Variants in EPB41L5 observed in about 807,000 individuals in gnomAD.
EPB41L5 encodes the protein band 4.1-like protein 5.
Under a neutral mutation model 106.6 loss-of-function variants are expected in EPB41L5, and 55 were observed. The observed-to-expected ratio is 0.52, with a 90% CI of 0.42 to 0.65. EPB41L5 has a LOEUF of 0.65. EPB41L5 is among the 30% of genes least tolerant of loss of function. EPB41L5 has a pLI of 0.00. For missense variants in EPB41L5, 871 were observed against 882.1 expected (o/e 0.99, Z 0.16); for synonymous variants, 297 against 306.7 (o/e 0.97, Z 0.33).
intron 24 of EPB41L5, among the ~76,000 whole-genome samples, chr2:120,171,746 G>A (rs1016236705): frequency 1.2e-4 from 19 of 152,180 alleles, no homozygotes; most frequent in African/African-American, 4.3e-4. Context: ...CCCATTCGTT[G>A]ATGAGTTTTG....
intron 20 of EPB41L5, among the ~76,000 whole-genome samples, chr2:120,154,284 G>A (rs550290055): frequency 8.8e-4 from 133 of 151,574 alleles, no homozygotes; most frequent in African/African-American, 2.8e-3. Flanking sequence ...TCAGCCTCCC[G>A]AGTAGTTGAG....
In EPB41L5 at chr2:120,167,905, C is replaced by G. The variant is rs369202076; in HGVS notation, c.2033C>G (p.Ala678Gly). The stretch of plus-strand genomic sequence containing the variant: ...AGTGGTGCCATGTCTAATGGACTTG[C>G]GGGATGTGAAATGCTTTTGACAGGG... ...PQSGAMSNGL[A>G]GCEMLLTGKE... Residue 678 changes from alanine to glycine, a missense_variant, in exon 24 of 25, where the codon GCG (alanine) becomes GGG (glycine). Coordinates refer to ENST00000263713, the MANE Select transcript of EPB41L5 (RefSeq NM_020909.4). The G allele has an allele frequency of 1.2e-6, 2 of 1,613,916 alleles. No individual in the cohort carries two copies. Among genetic ancestry groups the G allele is most frequent in the East Asian group, 2.2e-5 (1 of 44,878 alleles).
At chr2:120,084,955 A>T (rs1369420472) in intron 10 of EPB41L5, among the ~76,000 whole-genome samples, 1 of 152,124 alleles carries the variant, frequency 6.6e-6, no homozygotes, top group Non-Finnish European at 1.5e-5. Flanking sequence ...CGTCGTTCTC[A>T]TGCCATGGTT....
At chr2:120,173,652 C>T (rs543985208) in intron 24 of EPB41L5, among the ~76,000 whole-genome samples, 18 of 152,222 alleles carry the variant, frequency 1.2e-4, no homozygotes, top group Admixed American at 2.0e-4. Context: ...AAGTTATGTC[C>T]TTTGTATTAT....
At chr2:120,085,605 G>A (rs1363964517) in intron 10 of EPB41L5, among the ~76,000 whole-genome samples, 1 of 152,156 alleles carries the variant, frequency 6.6e-6, no homozygotes, top group African/African-American at 2.4e-5. Context: ...CTCAAACTCC[G>A]TGCTGAGAGA....
chr2:120,096,649 G>A (rs1683775762), intron 14 of EPB41L5, among the ~76,000 whole-genome samples: 1 of 152,124 alleles, frequency 6.6e-6, no homozygotes, highest in African/African-American at 2.4e-5. Context: ...AATCAGCTGG[G>A]CGTGGTGGTG....
At chr2:120,167,390 TGTAA>T (rs756286280) in intron 22 of EPB41L5, 72 bp from the exon 23 acceptor site, 30 of 1,232,098 alleles carry the variant, frequency 2.4e-5, no homozygotes, top group African/African-American at 6.0e-5. Flanking sequence ...TCATAATAGA[TGTAA>T]GTAAGTATTA....
intron 3 of EPB41L5, among the ~76,000 whole-genome samples, chr2:120,045,469 C>T: frequency 6.6e-6 from 1 of 152,066 alleles, no homozygotes; most frequent in South Asian, 2.1e-4. Context: ...CCCATCACAC[C>T]TGAATTCTTT....
chr2:120,014,755 A>T (rs955165032), intron 1 of EPB41L5, among the ~76,000 whole-genome samples: 1 of 152,122 alleles, frequency 6.6e-6, no homozygotes, highest in Non-Finnish European at 1.5e-5. Flanking sequence ...CCGAGCAGCA[A>T]GAGTACAAGA....
intron 10 of EPB41L5, among the ~76,000 whole-genome samples, chr2:120,081,905 CTGTT>C (rs1406169069): frequency 3.3e-5 from 5 of 152,074 alleles, no homozygotes; most frequent in East Asian, 1.9e-4. Context: ...ATTTGGCTCT[CTGTT>C]TGTCTGTTAT....
At chr2:120,033,334 A>C (rs1007648469) in intron 2 of EPB41L5, among the ~76,000 whole-genome samples, 2 of 152,186 alleles carry the variant, frequency 1.3e-5, no homozygotes, top group Non-Finnish European at 2.9e-5. Context: ...TTTTTTAAAA[A>C]TTACATGCTA....
At chr2:120,052,834 A>G (rs1412707108) in intron 3 of EPB41L5, among the ~76,000 whole-genome samples, 3 of 152,222 alleles carry the variant, frequency 2.0e-5, no homozygotes, top group African/African-American at 7.2e-5. Flanking sequence ...TCTCTCGAAT[A>G]CCATGAATAC....
chr2:120,141,307 A>G (rs1686163609), intron 18 of EPB41L5, among the ~76,000 whole-genome samples: 1 of 152,134 alleles, frequency 6.6e-6, no homozygotes, highest in Non-Finnish European at 1.5e-5. Flanking sequence ...GGCCATCTCC[A>G]GTGACCACTT....
intron 2 of EPB41L5, among the ~76,000 whole-genome samples, chr2:120,027,309 A>G (rs910269634): frequency 2.6e-5 from 4 of 152,262 alleles, no homozygotes; most frequent in South Asian, 2.1e-4. Context: ...CAATAGGTAA[A>G]TGGATAAATA....
At chr2:120,163,130 C>T (rs1442301690) in intron 21 of EPB41L5, among the ~76,000 whole-genome samples, 1 of 151,998 alleles carries the variant, frequency 6.6e-6, no homozygotes. Context: ...TTTGGCATGC[C>T]TGTAGTCCTA....
chr2:120,131,766 G>T, intron 18 of EPB41L5, 51 bp downstream of exon 18: 1 of 1,331,430 alleles, frequency 7.5e-7, no homozygotes, highest in Non-Finnish European at 1.1e-6. Flanking sequence ...AGAGCTCCCA[G>T]AAATATTTTC....
At chr2:120,104,068 C>T (rs1050422017) in intron 16 of EPB41L5, 11 of 1,533,216 alleles carry the variant, frequency 7.2e-6, no homozygotes, top group Admixed American at 2.0e-5. Flanking sequence ...AGGCTCTCTG[C>T]TGCCAGCGAC....
chr2:120,022,009 TGA>T lies in EPB41L5; in HGVS notation c.180+2746_180+2747del, dbSNP rs1574468873. 2.0e-5 allele frequency among the ~76,000 whole-genome samples: 3 copies of T among 152,188 alleles called. No individual in the cohort carries two copies. In the East Asian group the frequency reaches 5.8e-4, roughly 29 times the overall value. ...TAAATAGGGTGAGAAGGCCTTTCAGTGAATGACAAAGGTATCAGGTAGAAATT... is the reference window on the plus strand; with the variant it reads ...TAAATAGGGTGAGAAGGCCTTTCAGTATGACAAAGGTATCAGGTAGAAATT... On this transcript the variant is annotated intron_variant, in intron 2 of 24. Coordinates refer to ENST00000263713, the MANE Select transcript of EPB41L5 (RefSeq NM_020909.4).
chr2:120,132,243 TAG>T (rs1471045988), intron 18 of EPB41L5, among the ~76,000 whole-genome samples: 1 of 152,214 alleles, frequency 6.6e-6, no homozygotes, highest in African/African-American at 2.4e-5. Context: ...AAGTAACTTA[TAG>T]AAAGAGCTAA....
Sources: allele counts gnomAD v4.1 joint callset (sites outside exome capture counted in the v4.1 genomes callset), GRCh38; gene constraint gnomAD v4.1.1; transcripts MANE v1.5; gene names NCBI Gene and HGNC (gene_info 2026-07-23, HGNC 2026-07-21).